Variants in HORMAD2 observed in about 807,000 individuals in gnomAD.
HORMAD2 encodes HORMA domain containing 2, also known as HORMA domain-containing protein 2.
HORMAD2 carries 45 observed loss-of-function variants against 38.8 expected under a neutral mutation model. The ratio of observed to expected loss-of-function variants is 1.16; its 90% CI spans 0.91 to 1.49. The LOEUF (loss-of-function observed/expected upper bound fraction) is 1.49, where lower values mean the gene tolerates loss of function less well. Among genes scored for constraint, HORMAD2 ranks in the 40% most tolerant of loss-of-function variants. HORMAD2 has a pLI of 0.00. For missense variants in HORMAD2, 338 were observed against 367.0 expected, an observed-to-expected ratio of 0.92 and a Z score of 0.65; for synonymous variants, 126 against 122.8, an observed-to-expected ratio of 1.03 and a Z score of -0.17.
chr22:30,164,605 A>C (rs373972394), intron 10 of HORMAD2, among the ~76,000 whole-genome samples: 28 of 152,302 alleles, frequency 1.8e-4, no homozygotes, highest in East Asian at 9.6e-4. Context: ...TTATTTAGAG[A>C]AATGTCTCTT....
At chr22:30,126,213 G>A in intron 10 of HORMAD2, among the ~76,000 whole-genome samples, 1 of 152,028 alleles carries the variant, frequency 6.6e-6, no homozygotes, top group East Asian at 1.9e-4. Flanking sequence ...TCCCAGGCTG[G>A]AGTGCAGTGG....
downstream of HORMAD2, among the ~76,000 whole-genome samples, chr22:30,177,368 C>A (rs777739695): frequency 8.1e-4 from 124 of 152,302 alleles, no homozygotes; most frequent in Non-Finnish European, 1.6e-3. Context: ...TTCAGCACTG[C>A]CCCTTGCCAG....
At chr22:30,149,633 A>T (rs1011228424) in intron 10 of HORMAD2, among the ~76,000 whole-genome samples, 6 of 152,218 alleles carry the variant, frequency 3.9e-5, no homozygotes, top group African/African-American at 1.4e-4. Context: ...CCTTTCGCCA[A>T]CTTCCAGGGA....
intron 10 of HORMAD2, among the ~76,000 whole-genome samples, chr22:30,167,475 T>G (rs1925856715): frequency 6.6e-6 from 1 of 152,206 alleles, no homozygotes; most frequent in Non-Finnish European, 1.5e-5. Context: ...TGTCAGTCAC[T>G]GAATGACTTG....
chr22:30,121,720 C>T lies in HORMAD2; in HGVS notation c.499C>T (p.Leu167=), dbSNP rs1190160835. ...TCTACTGATCCGTAAATTGTATATACTGATGCAGGACCTTGAGCCACTTCC... is the reference window on the plus strand; with the variant it reads ...TCTACTGATCCGTAAATTGTATATATTGATGCAGGACCTTGAGCCACTTCC... ...SVLLIRKLYI[L]MQDLEPLPNN... is the part of the protein sequence containing the mutation. The change falls in exon 9 of 11, where the codon CTG becomes TTG. Residue 167 remains leucine (L), a synonymous_variant. Coordinates refer to ENST00000336726, the MANE Select transcript of HORMAD2 (RefSeq NM_152510.4). The T allele has an allele frequency of 1.2e-6, 2 of 1,611,702 alleles. No individual in the cohort carries two copies. The highest frequency in any genetic ancestry group is 1.7e-5 in the Admixed American group (1 of 59,680).
chr22:30,206,478 T>A, the HORMAD2 span, among the ~76,000 whole-genome samples: 98 of 151,544 alleles, frequency 6.5e-4, no homozygotes, highest in Non-Finnish European at 1.2e-3. Context: ...TTTGTTTTGT[T>A]TGTTTGTTTT....
At chr22:30,107,419 C>T (rs1239763051) in intron 5 of HORMAD2, among the ~76,000 whole-genome samples, 2 of 152,028 alleles carry the variant, frequency 1.3e-5, no homozygotes, top group Non-Finnish European at 2.9e-5. Context: ...TTATAACTTT[C>T]CTCAGGTGAT....
chr22:30,171,759 G>C (rs147830942), intron 10 of HORMAD2, among the ~76,000 whole-genome samples: 50 of 152,272 alleles, frequency 3.3e-4, no homozygotes, highest in Non-Finnish European at 6.8e-4. Flanking sequence ...GTGATTGGGA[G>C]ACCTAACTTA....
chr22:30,085,281 G>C (rs1216944936), intron 1 of HORMAD2, among the ~76,000 whole-genome samples: 5 of 152,192 alleles, frequency 3.3e-5, no homozygotes, highest in African/African-American at 1.2e-4. Context: ...GGGGAAAGGA[G>C]AGAATAGGAG....
At position 30,176,338 on chromosome 22, in the gene HORMAD2, G is replaced by A. The variant is rs1326416116; in HGVS notation, c.*171G>A. ...CTAAATTACTGGCCAGGTAGGACGC[G>A]AGTCCACTTTGCCATAAGGAAAGCG... On this transcript the variant is annotated 3_prime_UTR_variant, in exon 11 of 11. Coordinates refer to ENST00000336726, the MANE Select transcript of HORMAD2 (RefSeq NM_152510.4). The A allele has an allele frequency of 1.6e-5, 9 of 563,486 alleles. No homozygotes were observed. The highest frequency in any genetic ancestry group is 5.9e-5 in the East Asian group (2 of 33,868). 34.9% of individuals were successfully genotyped at this position (563,486 alleles called of 1,614,324 possible).
chr22:30,199,060 A>C, the HORMAD2 span, among the ~76,000 whole-genome samples: 391 of 152,348 alleles, frequency 2.6e-3, no homozygotes, highest in African/African-American at 8.8e-3. Flanking sequence ...TGCTCAGCAA[A>C]CTTCTGATGA....
chr22:30,190,077 A>T, the HORMAD2 span, among the ~76,000 whole-genome samples: 1 of 152,220 alleles, frequency 6.6e-6, no homozygotes, highest in Non-Finnish European at 1.5e-5. Context: ...ACCACTTATT[A>T]GCCATGTGGG....
intron 10 of HORMAD2, among the ~76,000 whole-genome samples, chr22:30,173,818 A>G (rs1486614347): frequency 1.3e-5 from 2 of 152,232 alleles, no homozygotes; most frequent in Non-Finnish European, 2.9e-5. Context: ...TTAGGAGAAC[A>G]TTCAAGTAAC....
intron 1 of HORMAD2, among the ~76,000 whole-genome samples, chr22:30,086,805 G>A (rs968368900): frequency 3.3e-5 from 5 of 152,078 alleles, no homozygotes; most frequent in Non-Finnish European, 7.4e-5. Context: ...ATATATGTAT[G>A]TGCAGGGGGA....
intron 10 of HORMAD2, among the ~76,000 whole-genome samples, chr22:30,123,043 T>G (rs1389361840): frequency 6.6e-6 from 1 of 152,244 alleles, no homozygotes; most frequent in Non-Finnish European, 1.5e-5. Context: ...GTGACTGTAC[T>G]AGGTAACTTC....
intron 10 of HORMAD2, among the ~76,000 whole-genome samples, chr22:30,161,527 T>C (rs1488628633): frequency 1.3e-5 from 2 of 152,218 alleles, no homozygotes; most frequent in African/African-American, 4.8e-5. Context: ...CTTTTTCATT[T>C]TTATAATTAC....
At chr22:30,146,473 G>A (rs550893350) in intron 10 of HORMAD2, among the ~76,000 whole-genome samples, 7 of 152,156 alleles carry the variant, frequency 4.6e-5, no homozygotes, top group South Asian at 2.1e-4. Context: ...CCAGCCTGGC[G>A]ACAGAGCAAG....
chr22:30,090,079 G>A (rs1403698913), intron 1 of HORMAD2, among the ~76,000 whole-genome samples: 1 of 152,170 alleles, frequency 6.6e-6, no homozygotes, highest in Non-Finnish European at 1.5e-5. Flanking sequence ...AGATTGAATA[G>A]GGGTCGGGTG....
chr22:30,130,586 C>CTTTTTTTTTT (rs66636269), intron 10 of HORMAD2, among the ~76,000 whole-genome samples: 42 of 87,898 alleles, frequency 4.8e-4, no homozygotes, highest in Non-Finnish European at 5.7e-4. Flanking sequence ...CTTTTCTTTT[C>CTTTTTTTTTT]TTTTTTTTTT....
Sources: allele counts gnomAD v4.1 joint callset (sites outside exome capture counted in the v4.1 genomes callset), GRCh38; gene constraint gnomAD v4.1.1; transcripts MANE v1.5; gene names NCBI Gene and HGNC (gene_info 2026-07-23, HGNC 2026-07-21).